MIB2: variants seen among roughly 807,000 people sequenced by gnomAD.
MIB2 encodes E3 ubiquitin-protein ligase MIB2.
In MIB2, 78 loss-of-function variants were observed where a neutral mutation model predicts 96.6. The ratio of observed to expected loss-of-function variants is 0.81; its 90% CI spans 0.67 to 0.97. The LOEUF (loss-of-function observed/expected upper bound fraction) is 0.97. MIB2 is among the 50% of genes least tolerant of loss of function. MIB2 has a pLI of 0.00. For synonymous variants in MIB2, 820 were observed against 629.5 expected, an observed-to-expected ratio of 1.30 and a Z score of -4.53; for missense variants, 1,543 against 1,424.0, an observed-to-expected ratio of 1.08 and a Z score of -1.35.
intron 1 of MIB2, chr1:1,616,150 T>G (rs1643628241): frequency 1.0e-6 from 1 of 966,548 alleles, no homozygotes; most frequent in African/African-American, 1.8e-5. Flanking sequence ...CCGGGCGGCC[T>G]CCGCGAGCCA....
rs555962065 is a variant in MIB2 at position 1,616,946 on chromosome 1, G to A, written c.-23+332G>A. The A allele has an allele frequency of 5.7e-5, 16 of 281,564 alleles. No homozygotes were observed. In the East Asian group the frequency reaches 1.5e-3, roughly 27 times the overall value. 17.4% of individuals were successfully genotyped at this position (281,564 alleles called of 1,614,324 possible). A position where few individuals can be genotyped will look rare whatever the true frequency, so the allele number is the denominator to read the frequency against. ...CACATGCAACAAGTGTCTGAATGTG[G>A]CGCTCTCCTGGCCGAGGGCAGCCCT... is the stretch of plus-strand genomic sequence containing the variant. On this transcript the variant is annotated intron_variant, in intron 2 of 19. Coordinates refer to ENST00000355826, the MANE Select transcript of MIB2 (RefSeq NM_001170687.4).
At chr1:1,616,124 C>G (rs1475905569) in intron 1 of MIB2, 3 of 982,410 alleles carry the variant, frequency 3.1e-6, no homozygotes, top group East Asian at 1.1e-4. Context: ...CTGGCAAGGT[C>G]TGGCAGCGGA....
intron 16 of MIB2, 92 bp downstream of exon 16, chr1:1,628,814 C>T (rs3935032): frequency 0.33 from 372,241 of 1,134,086 alleles, 67,320 homozygotes; most frequent in Non-Finnish European, 0.38. Flanking sequence ...ACCTTCCCCT[C>T]CAGTGATGGC....
chr1:1,623,722 A>T (rs1180184789), intron 3 of MIB2, 23 bp downstream of exon 3: 1 of 1,542,398 alleles, frequency 6.5e-7, no homozygotes, highest in African/African-American at 1.4e-5. Flanking sequence ...GGCAGGCGGG[A>T]CGGGCAGGAC....
At position 1,616,615 on chromosome 1, in the gene MIB2, G is replaced by C. The variant is rs1456060992; in HGVS notation, c.-23+1G>C. ...GGCGGGCGACTGGACGGCCGGACAG[G>C]TGAGCTCTTGATCGTCCGCGGCCTG... On this transcript the variant is annotated splice_donor_variant, in intron 2 of 19. Coordinates refer to ENST00000355826, the MANE Select transcript of MIB2 (RefSeq NM_001170687.4). LOFTEE classifies it low-confidence loss of function (5UTR_SPLICE). The C allele has an allele frequency of 6.3e-7, 1 of 1,587,660 alleles. No homozygotes were observed. The highest frequency in any genetic ancestry group is 8.6e-7 in the Non-Finnish European group (1 of 1,166,472).
chr1:1,616,152 C>T (rs1408109660), intron 1 of MIB2: 2 of 963,458 alleles, frequency 2.1e-6, no homozygotes, highest in Non-Finnish European at 1.2e-6. Context: ...GGGCGGCCTC[C>T]GCGAGCCACG....
chr1:1,628,435 G>T, intron 15 of MIB2, 36 bp downstream of exon 15: 1 of 1,602,678 alleles, frequency 6.2e-7, no homozygotes, highest in South Asian at 1.1e-5. Flanking sequence ...AAGGACCGGG[G>T]AGCGGGAGGC....
At position 1,623,536 on chromosome 1, in the gene MIB2, C is replaced by T. The variant is rs1196766913; in HGVS notation, c.84C>T (p.Gly28=). 6 of 1,536,448 alleles carry T rather than the reference C, an allele frequency of 3.9e-6. No individual in the cohort carries two copies. The highest frequency in any genetic ancestry group is 5.2e-6 in the Non-Finnish European group (6 of 1,144,284). Reference sequence around the variant, plus strand: ...ACTGGAAGTGGGGCCAGCAGGACGGCGGCGAGGGCGGCGTGGGCACGGTGG... The same window carrying T: ...ACTGGAAGTGGGGCCAGCAGGACGGTGGCGAGGGCGGCGTGGGCACGGTGG... ...GVDWKWGQQD[G]GEGGVGTVVE... Residue 28 remains glycine, a synonymous_variant, in exon 3 of 20, where the codon GGC becomes GGT. Coordinates refer to ENST00000355826, the MANE Select transcript of MIB2 (RefSeq NM_001170687.4).
rs751887630 is a variant in MIB2 at position 1,625,682 on chromosome 1, C to G, written c.972+29C>G. ...CCGGGGGGGCTGGGCTGCGCCTCAT[C>G]TGCTTGCTTCTGTAACCCCTTCCAC... On this transcript the variant is annotated intron_variant, in intron 8 of 19. Transcript: ENST00000355826. The surrounding 1 kb of genome is among the most constrained non-coding windows in gnomAD (Gnocchi z 5.0). 110 of 1,525,608 alleles carry G rather than the reference C, an allele frequency of 7.2e-5. 1 individual carries two copies. Among genetic ancestry groups the G allele is most frequent in the Non-Finnish European group, 9.3e-5 (105 of 1,125,858 alleles). 94.5% of individuals were successfully genotyped at this position (1,525,608 alleles called of 1,614,324 possible). A position where few individuals can be genotyped will look rare whatever the true frequency, so the allele number is the denominator to read the frequency against.
chr1:1,623,809 A>C lies in MIB2; in HGVS notation c.283A>C (p.Lys95Gln). The C allele has an allele frequency of 6.2e-7, 1 of 1,609,326 alleles. No homozygotes were observed. The highest frequency in any genetic ancestry group is 8.5e-7 in the Non-Finnish European group (1 of 1,178,514). ...RHPNIICDCC[K>Q]KHGLRGMRWK... ...CCCCAACATCATCTGTGACTGCTGC[A>C]AGAAGCACGGGCTGCGGGGGATGCG... The change falls in exon 4 of 20, where the codon AAG (lysine) becomes CAG (glutamine). Residue 95 changes from lysine (K) to glutamine (Q), a missense_variant. By Grantham distance (53) the Lys-to-Gln change is moderately conservative (BLOSUM62 1). Transcript: ENST00000355826.
chr1:1,629,949 T>C (rs1208323670), intron 19 of MIB2, among the ~76,000 whole-genome samples: 4 of 110,594 alleles, frequency 3.6e-5, no homozygotes, highest in Admixed American at 1.0e-4. Flanking sequence ...CCAGCCCCGC[T>C]GGATTTCACG....
chr1:1,628,393 C>G lies in MIB2; in HGVS notation c.1962C>G (p.Ile654Met). ...NNHREVAQIL[I>M]REGRCDVNVR... ...ACCGCGAGGTGGCCCAGATCCTCAT[C>G]CGGGAGGTGCGGACGCGGCCCAGTC... The change falls in exon 15 of 20, where the codon ATC becomes ATG. Residue 654 changes from isoleucine to methionine, a missense_variant. Ile to Met is a conservative substitution (Grantham distance 10). Transcript: ENST00000355826. 2 of 1,612,014 alleles carry G rather than the reference C, an allele frequency of 1.2e-6. No individual in the cohort carries two copies. Among genetic ancestry groups the G allele is most frequent in the Non-Finnish European group, 1.7e-6 (2 of 1,179,756 alleles).
In MIB2 at chr1:1,630,459, T is replaced by C; in HGVS notation, c.2797T>C (p.Cys933Arg). ...GTGCGGCCACGGCGCATGCGCCCCC[T>C]GCGGCTCCGCGCTCAGCGCCTGCCC... ...FQCGHGACAP[C>R]GSALSACPIC... Residue 933 changes from cysteine to arginine, a missense_variant, in exon 20 of 20, where the codon TGC (cysteine) becomes CGC (arginine). Coordinates refer to ENST00000355826, the MANE Select transcript of MIB2 (RefSeq NM_001170687.4). 1 of 1,593,394 alleles carries C rather than the reference T, an allele frequency of 6.3e-7. No individual in the cohort carries two copies. Among genetic ancestry groups the C allele is most frequent in the Admixed American group, 1.7e-5 (1 of 58,544 alleles).
rs780862696 is a variant in MIB2 at position 1,624,923 on chromosome 1, G to A, written c.526+22G>A. ...GATGGTGAGTGGAGGCAGAGGGGCG[G>A]GGTCAGGGCTGGGCTGTGGCTGGCT... On this transcript the variant is annotated intron_variant, in intron 5 of 19. Transcript: ENST00000355826. The A allele has an allele frequency of 5.0e-6, 8 of 1,610,382 alleles. No individual in the cohort carries two copies. The Middle Eastern group carries it at 5.0e-4, about 100-fold the overall frequency.
chr1:1,629,114 C>A lies in MIB2; in HGVS notation c.2203-19C>A. ...CTGCCCCGGCGCCCGCCCTCACCGG[C>A]GTCTGTCCTGCCGCCCAGCTACAGG... On this transcript the variant is annotated intron_variant, in intron 16 of 19. Coordinates refer to ENST00000355826, the MANE Select transcript of MIB2 (RefSeq NM_001170687.4). The A allele has an allele frequency of 6.9e-7, 1 of 1,453,104 alleles. No homozygotes were observed. Among genetic ancestry groups the A allele is most frequent in the Non-Finnish European group, 9.0e-7 (1 of 1,113,796 alleles). 90.0% of individuals were successfully genotyped at this position (1,453,104 alleles called of 1,614,324 possible).
chr1:1,627,409 C>G lies in MIB2; in HGVS notation c.1488C>G (p.Asp496Glu), dbSNP rs369434147. 6 of 1,612,834 alleles carry G rather than the reference C, an allele frequency of 3.7e-6. No homozygotes were observed. The South Asian group carries it at 6.6e-5, about 18-fold the overall frequency. The change falls in exon 12 of 20, where the codon GAC (aspartate) becomes GAG (glutamate). Residue 496 changes from aspartate (D) to glutamate (E), a missense_variant. Coordinates refer to ENST00000355826, the MANE Select transcript of MIB2 (RefSeq NM_001170687.4). ...QARAGVDLPD[D>E]EGNTALHYAA... is the part of the protein sequence containing the mutation. ...GGGCGGGCGTGGACCTGCCGGACGA[C>G]GAGGGCAACACGGCACTGCACTACG... is the stretch of plus-strand genomic sequence containing the variant.
intron 2 of MIB2, among the ~76,000 whole-genome samples, chr1:1,620,341 G>A (rs1003229997): frequency 2.0e-5 from 3 of 152,166 alleles, no homozygotes. Flanking sequence ...CTCCATTGCC[G>A]GGCCCATCTC....
intron 19 of MIB2, among the ~76,000 whole-genome samples, 170 bp downstream of exon 19, chr1:1,629,874 C>G (rs1483855956): frequency 6.9e-6 from 1 of 143,956 alleles, no homozygotes; most frequent in Non-Finnish European, 1.5e-5. Flanking sequence ...CCAGCCCCGC[C>G]TGCTCCAGAT....
Position 1,627,071 on chromosome 1 carries a change from C to A in MIB2, c.1241-3C>A. ...CCACCACTAACCTCAGCCCTGCCCC[C>A]AGGCTCACTGAGCGTGGCCCTGGAC... On this transcript the variant is annotated splice_polypyrimidine_tract_variant and splice_region_variant and intron_variant, in intron 10 of 19. Transcript: ENST00000355826. 6.2e-7 allele frequency: 1 copy of A among 1,600,624 alleles called. No homozygotes were observed. The highest frequency in any genetic ancestry group is 2.3e-5 in the East Asian group (1 of 44,248).
Sources: gnomAD v4.1 joint callset for allele counts (sites outside exome capture counted in the v4.1 genomes callset) on GRCh38, gnomAD v4.1.1 for gene constraint, Gnocchi (gnomAD v3.1) non-coding constraint, MANE v1.5 for transcripts, NCBI Gene and HGNC (gene_info 2026-07-23, HGNC 2026-07-21) for gene names.